The following POU6F2 variants were observed in gnomAD, a reference collection of about 807,000 sequenced individuals.
POU6F2 encodes the protein POU domain, class 6, transcription factor 2.
In POU6F2, 31 loss-of-function variants were observed where a neutral mutation model predicts 71.3. That is an observed-to-expected ratio of 0.43 (90% CI 0.33 to 0.59). The LOEUF is 0.59. POU6F2 is among the 20% of genes least tolerant of loss of function. POU6F2 has a pLI of 0.04. For synonymous variants in POU6F2, 347 were observed against 355.7 expected (o/e 0.98, Z 0.27); for missense variants, 783 against 856.8 (o/e 0.91, Z 1.07).
intron 1 of POU6F2, among the ~76,000 whole-genome samples, chr7:39,075,610 C>T (rs750939069): frequency 1.1e-4 from 16 of 152,172 alleles, no homozygotes; most frequent in African/African-American, 2.7e-4. Flanking sequence ...AGTAAAATCA[C>T]GCTTCTAATA....
intron 7 of POU6F2, among the ~76,000 whole-genome samples, chr7:39,442,669 T>C (rs879790875): frequency 7.9e-5 from 12 of 152,216 alleles, no homozygotes; most frequent in Non-Finnish European, 1.2e-4. Context: ...CTATCTTTCA[T>C]TGGCCTTTTA....
rs1160941206 is a variant in POU6F2, at chr7:39,173,483, C to G, written c.278-30752C>G. Among the ~76,000 whole-genome samples, 4 of 152,162 alleles carry G rather than the reference C, an allele frequency of 2.6e-5. No individual in the cohort carries two copies. The East Asian group carries it at 7.7e-4, about 29-fold the overall frequency. On this transcript the variant is annotated intron_variant, in intron 2 of 9. Transcript: ENST00000518318. ...CACGGAGACAGTGCTCAATAAAAGT[C>G]CTGTAAAGAAATGTTGAAAAAGTGT...
intron 1 of POU6F2, among the ~76,000 whole-genome samples, chr7:39,062,250 A>C (rs980107450): frequency 6.6e-6 from 1 of 152,096 alleles, no homozygotes; most frequent in Non-Finnish European, 1.5e-5. Context: ...AAAAATACTT[A>C]TTACAATAAT....
intron 1 of POU6F2, among the ~76,000 whole-genome samples, chr7:39,042,357 G>C (rs898966434): frequency 3.3e-5 from 5 of 151,958 alleles, no homozygotes; most frequent in African/African-American, 1.2e-4. Flanking sequence ...CACTGAATGA[G>C]TTCTGGCCAC....
At chr7:39,435,266 C>T (rs1788212865) in intron 7 of POU6F2, among the ~76,000 whole-genome samples, 1 of 152,280 alleles carries the variant, frequency 6.6e-6, no homozygotes, top group East Asian at 1.9e-4. Context: ...TAAACATGTT[C>T]CTATCTCTCC....
At chr7:39,035,097 ATAT>A (rs1003792619) in intron 1 of POU6F2, among the ~76,000 whole-genome samples, 2 of 151,314 alleles carry the variant, frequency 1.3e-5, no homozygotes, top group African/African-American at 4.8e-5. Context: ...TATATTTTTA[ATAT>A]TTTTAAATAA....
chr7:39,263,552 A>G (rs991883073), intron 4 of POU6F2, among the ~76,000 whole-genome samples: 1 of 152,240 alleles, frequency 6.6e-6, no homozygotes, highest in Admixed American at 6.5e-5. Context: ...AATGTTCTGA[A>G]CAAAGAAAAA....
chr7:39,053,653 AT>A (rs957125674), intron 1 of POU6F2, among the ~76,000 whole-genome samples: 1 of 151,770 alleles, frequency 6.6e-6, no homozygotes, highest in African/African-American at 2.4e-5. Context: ...ATAATTGCCC[AT>A]TTTTTTTCTA....
At chr7:39,260,328 C>T (rs111066305) in intron 4 of POU6F2, among the ~76,000 whole-genome samples, 59,573 of 150,076 alleles carry the variant, frequency 0.4, 11,982 homozygotes, top group South Asian at 0.57. Flanking sequence ...ATACCATGCA[C>T]ACACCACACA....
At chr7:39,159,529 G>A (rs557874428) in intron 2 of POU6F2, among the ~76,000 whole-genome samples, 49 of 152,276 alleles carry the variant, frequency 3.2e-4, no homozygotes, top group African/African-American at 1.2e-3. Flanking sequence ...GTGTTGAAAC[G>A]TACACGCATT....
chr7:39,231,463 A>G (rs1177878687), intron 4 of POU6F2, among the ~76,000 whole-genome samples: 1 of 152,208 alleles, frequency 6.6e-6, no homozygotes, highest in African/African-American at 2.4e-5. Flanking sequence ...TGAAATATAT[A>G]TAATTATACC....
At chr7:39,169,303 C>A (rs1334250085) in intron 2 of POU6F2, among the ~76,000 whole-genome samples, 1 of 152,162 alleles carries the variant, frequency 6.6e-6, no homozygotes, top group Admixed American at 6.5e-5. Flanking sequence ...CCTTTAATTT[C>A]TCTCCTTTAC....
chr7:39,265,978 A>G (rs1784230910), intron 4 of POU6F2, among the ~76,000 whole-genome samples: 2 of 152,178 alleles, frequency 1.3e-5, no homozygotes. Context: ...AAGTCCGTAC[A>G]TTTTCTAATT....
At chr7:39,357,160 G>C (rs1487680384) in intron 5 of POU6F2, among the ~76,000 whole-genome samples, 1 of 152,118 alleles carries the variant, frequency 6.6e-6, no homozygotes, top group Non-Finnish European at 1.5e-5. Context: ...CTCCTACCTT[G>C]AGTGCACCTC....
At chr7:39,371,523 G>A (rs572891300) in intron 5 of POU6F2, among the ~76,000 whole-genome samples, 37 of 152,004 alleles carry the variant, frequency 2.4e-4, no homozygotes, top group South Asian at 2.1e-4. Context: ...GAGCACTAAC[G>A]GCCAGTCCTC....
At chr7:39,042,838 AG>A (rs148907912) in intron 1 of POU6F2, among the ~76,000 whole-genome samples, 16,307 of 151,964 alleles carry the variant, frequency 0.11, 1,105 homozygotes, top group African/African-American at 0.18. Context: ...TCGTGCCTTC[AG>A]GGCACACTGA....
chr7:39,450,659 A>G (rs1051731754), intron 7 of POU6F2, among the ~76,000 whole-genome samples: 1 of 152,140 alleles, frequency 6.6e-6, no homozygotes, highest in Non-Finnish European at 1.5e-5. Context: ...TAACACACAC[A>G]CAATTTTTAA....
intron 4 of POU6F2, among the ~76,000 whole-genome samples, chr7:39,283,257 T>G (rs1784594005): frequency 6.6e-6 from 1 of 152,122 alleles, no homozygotes; most frequent in Non-Finnish European, 1.5e-5. Context: ...CTTTCCAATT[T>G]GAATGCCCTT....
intron 4 of POU6F2, among the ~76,000 whole-genome samples, chr7:39,256,116 T>C (rs1223892502): frequency 1.3e-5 from 2 of 149,806 alleles, no homozygotes; most frequent in South Asian, 2.1e-4. Flanking sequence ...CTGTTCCACA[T>C]TGAGATTGTC....
Sources: allele counts gnomAD v4.1 joint callset (sites outside exome capture counted in the v4.1 genomes callset), GRCh38; gene constraint gnomAD v4.1.1; transcripts MANE v1.5; gene names NCBI Gene and HGNC (gene_info 2026-07-23, HGNC 2026-07-21).